SLC36A3: variants seen among roughly 807,000 people sequenced by gnomAD.
SLC36A3 encodes proton-coupled amino acid transporter 3.
A neutral mutation model predicts 44.3 loss-of-function variants in SLC36A3; 35 were observed. That is an observed-to-expected ratio of 0.79 (90% CI 0.60 to 1.05). The LOEUF is 1.05. Among genes scored for constraint, SLC36A3 ranks in the 50% least tolerant of loss-of-function variants. SLC36A3 has a pLI of 0.00. For synonymous variants in SLC36A3, 211 were observed against 227.6 expected (o/e 0.93, Z 0.66); for missense variants, 540 against 578.7 (o/e 0.93, Z 0.69).
intron 9 of SLC36A3, among the ~76,000 whole-genome samples, chr5:151,280,498 C>T (rs1754267286): frequency 6.6e-6 from 1 of 152,156 alleles, no homozygotes; most frequent in Non-Finnish European, 1.5e-5. Flanking sequence ...ACAAATCAGT[C>T]CCACTGGGAT....
At chr5:151,298,465 C>G in intron 2 of SLC36A3, 128 bp downstream of exon 2, 1 of 860,520 alleles carries the variant, frequency 1.2e-6, no homozygotes. Flanking sequence ...TTGATGCCAA[C>G]AGGCACATTT....
chr5:151,298,723 T>C, intron 1 of SLC36A3, 40 bp from the exon 2 acceptor site: 1 of 1,604,350 alleles, frequency 6.2e-7, no homozygotes, highest in Non-Finnish European at 8.5e-7. Context: ...GTACTGTTAG[T>C]GGAAGGGAAG....
intron 4 of SLC36A3, among the ~76,000 whole-genome samples, chr5:151,290,599 A>G (rs907620500): frequency 6.6e-6 from 1 of 152,202 alleles, no homozygotes. Flanking sequence ...TTTCACCTGT[A>G]AATAATTCAG....
At chr5:151,292,306 T>C (rs1754788098) in intron 4 of SLC36A3, among the ~76,000 whole-genome samples, 1 of 152,176 alleles carries the variant, frequency 6.6e-6, no homozygotes, top group Non-Finnish European at 1.5e-5. Context: ...GATCAGGAGA[T>C]CAATGACCTA....
intron 4 of SLC36A3, among the ~76,000 whole-genome samples, chr5:151,291,981 C>A (rs754340591): frequency 1.3e-5 from 2 of 152,144 alleles, no homozygotes; most frequent in Non-Finnish European, 2.9e-5. Flanking sequence ...CTGCCTCAGT[C>A]TCCTGAGTAG....
chr5:151,281,790 C>G (rs1754327399), intron 8 of SLC36A3, among the ~76,000 whole-genome samples: 1 of 151,644 alleles, frequency 6.6e-6, no homozygotes, highest in Admixed American at 6.6e-5. Flanking sequence ...TGCACTCACT[C>G]CAGCCTGGGC....
intron 1 of SLC36A3, among the ~76,000 whole-genome samples, chr5:151,299,268 A>C (rs397841922): frequency 0.044 from 3,393 of 77,398 alleles, 45 homozygotes; most frequent in Non-Finnish European, 0.05. Flanking sequence ...CTCTCTCTAT[A>C]TATATATATA....
chr5:151,301,658 G>A (rs369855462), intron 1 of SLC36A3, among the ~76,000 whole-genome samples: 14 of 151,500 alleles, frequency 9.2e-5, no homozygotes, highest in African/African-American at 2.9e-4. Flanking sequence ...ATAAAACTCC[G>A]GTCTCGAGCT....
At chr5:151,289,654 T>A (rs939093460) in intron 4 of SLC36A3, among the ~76,000 whole-genome samples, 4 of 152,224 alleles carry the variant, frequency 2.6e-5, no homozygotes, top group Non-Finnish European at 4.4e-5. Context: ...ACACTGGCTT[T>A]GTTTGAAGAG....
chr5:151,290,435 A>G (rs1446398159), intron 4 of SLC36A3, among the ~76,000 whole-genome samples: 2 of 152,238 alleles, frequency 1.3e-5, no homozygotes, highest in African/African-American at 4.8e-5. Context: ...AATGAATATA[A>G]CGAGAATTTA....
At chr5:151,289,393 T>C (rs1329183432) in intron 4 of SLC36A3, among the ~76,000 whole-genome samples, 1 of 151,824 alleles carries the variant, frequency 6.6e-6, no homozygotes, top group East Asian at 1.9e-4. Flanking sequence ...GCTACATCTC[T>C]AGCCAAGTGG....
chr5:151,291,712 T>C (rs568356250), intron 4 of SLC36A3, among the ~76,000 whole-genome samples: 15 of 152,318 alleles, frequency 9.8e-5, no homozygotes, highest in African/African-American at 3.6e-4. Context: ...CTAGCTGTCA[T>C]GTATATAAAT....
At position 151,284,188 on chromosome 5, in the gene SLC36A3, A is replaced by G. The variant is rs749675404; in HGVS notation, c.830T>C (p.Met277Thr). 2 of 1,609,084 alleles carry G rather than the reference A, an allele frequency of 1.2e-6. No homozygotes were observed. Among genetic ancestry groups the G allele is most frequent in the Non-Finnish European group, 1.7e-6 (2 of 1,178,514 alleles). Residue 277 changes from methionine to threonine, a missense_variant, in exon 8 of 10, where the codon ATG becomes ACG. Physicochemically the swap from Met to Thr is moderately conservative, Grantham distance 81. Transcript: ENST00000335230. ...VGMVLPLKNQ[M>T]KHPQQFSFVL... ...AAAAGAAAACTGCTGTGGATGCTTC[A>G]TCTGGTTTTTGAGAGGCAGAACCTG...
intron 8 of SLC36A3, among the ~76,000 whole-genome samples, chr5:151,282,111 G>GTTTTTTT (rs70976011): frequency 7.1e-5 from 4 of 56,124 alleles, no homozygotes; most frequent in African/African-American, 1.4e-4. Context: ...CTTTTTCTTT[G>GTTTTTTT]TTTTTTTTTT....
intron 1 of SLC36A3, among the ~76,000 whole-genome samples, chr5:151,302,935 G>T (rs777362596): frequency 9.9e-5 from 15 of 152,000 alleles, no homozygotes; most frequent in Non-Finnish European, 2.2e-4. Context: ...AAGAAAGAAA[G>T]GGAGGAAGGA....
intron 4 of SLC36A3, among the ~76,000 whole-genome samples, chr5:151,290,042 G>C (rs957465965): frequency 1.3e-5 from 2 of 150,216 alleles, no homozygotes; most frequent in African/African-American, 5.0e-5. Flanking sequence ...GTTTTTAAGA[G>C]AGATATATTG....
chr5:151,292,429 C>A (rs1185652386), intron 4 of SLC36A3, among the ~76,000 whole-genome samples: 1 of 152,140 alleles, frequency 6.6e-6, no homozygotes, highest in African/African-American at 2.4e-5. Flanking sequence ...TTGGTCAAAT[C>A]TCTGCTCCAC....
rs1436226091 is a variant in SLC36A3, at chr5:151,296,093, G to A, written c.308+87C>T. The A allele has an allele frequency of 8.5e-6, 11 of 1,289,106 alleles. No homozygotes were observed. The East Asian group carries it at 9.4e-5, about 11-fold the overall frequency. 79.9% of individuals were successfully genotyped at this position (1,289,106 alleles called of 1,614,324 possible). On this transcript the variant is annotated intron_variant, in intron 3 of 9. Transcript: ENST00000335230. ...AGGAAGGTGGCCTGGAGCAGTGGCCGAATTAATTGGGTCAGTGGTCAAAAG... is the reference window on the plus strand; with the variant it reads ...AGGAAGGTGGCCTGGAGCAGTGGCCAAATTAATTGGGTCAGTGGTCAAAAG...
At chr5:151,288,572 T>A (rs922377736) in intron 4 of SLC36A3, 102 bp from the exon 5 acceptor site, 96 of 1,011,376 alleles carry the variant, frequency 9.5e-5, no homozygotes, top group Middle Eastern at 6.4e-4. Flanking sequence ...TTATTATTTT[T>A]AAAAATTTCC....
Sources: gnomAD v4.1 joint callset for allele counts (sites outside exome capture counted in the v4.1 genomes callset) on GRCh38, gnomAD v4.1.1 for gene constraint, MANE v1.5 for transcripts, NCBI Gene and HGNC (gene_info 2026-07-23, HGNC 2026-07-21) for gene names.